The following RARB variants were observed in gnomAD, a reference collection of about 807,000 sequenced individuals.
The protein encoded by RARB is retinoic acid receptor beta, also known as HBV-activated protein.
RARB carries 17 observed loss-of-function variants against 51.9 expected under a neutral mutation model. The ratio of observed to expected loss-of-function variants is 0.33; its 90% CI spans 0.22 to 0.49. RARB has a LOEUF of 0.49. Among genes scored for constraint, RARB ranks in the 20% least tolerant of loss-of-function variants. RARB has a pLI of 0.99. For missense variants in RARB, 369 were observed against 550.8 expected, an observed-to-expected ratio of 0.67 and a Z score of 3.30; for synonymous variants, 215 against 195.4, an observed-to-expected ratio of 1.10 and a Z score of -0.84.
chr3:25,064,518 C>T (rs937576535), intron 3 of RARB, among the ~76,000 whole-genome samples: 6 of 151,898 alleles, frequency 4.0e-5, no homozygotes, highest in African/African-American at 1.2e-4. Flanking sequence ...ATAGAATTAC[C>T]GAGAGACAGT....
At chr3:25,202,566 G>A (rs892267961) in intron 5 of RARB, among the ~76,000 whole-genome samples, 28 of 152,224 alleles carry the variant, frequency 1.8e-4, no homozygotes, top group African/African-American at 6.7e-4. Flanking sequence ...TGTCTTGCGG[G>A]CATTTAGTGC....
intron 4 of RARB, among the ~76,000 whole-genome samples, chr3:25,578,449 G>A (rs1394677809): frequency 2.6e-5 from 4 of 152,196 alleles, no homozygotes; most frequent in African/African-American, 7.2e-5. Context: ...TGAAGGTTTC[G>A]TTCACACTTG....
intron 5 of RARB, among the ~76,000 whole-genome samples, chr3:25,416,590 C>T (rs2125503883): frequency 6.6e-6 from 1 of 152,288 alleles, no homozygotes; most frequent in East Asian, 1.9e-4. Flanking sequence ...ATATTTTCAG[C>T]TTTGTGGGCC....
intron 3 of RARB, among the ~76,000 whole-genome samples, chr3:25,108,366 A>G (rs1699545117): frequency 6.6e-6 from 1 of 152,218 alleles, no homozygotes; most frequent in African/African-American, 2.4e-5. Flanking sequence ...GGTTGAGGTC[A>G]CCAGGTAGTT....
intron 1 of RARB, among the ~76,000 whole-genome samples, chr3:25,448,765 C>T (rs1172830797): frequency 6.6e-6 from 1 of 152,172 alleles, no homozygotes. Flanking sequence ...CCGTGCCCGG[C>T]CGAGAATCTT....
intron 2 of RARB, among the ~76,000 whole-genome samples, chr3:25,044,589 G>A (rs62228514): frequency 0.24 from 37,186 of 152,090 alleles, 4,666 homozygotes; most frequent in African/African-American, 0.29. Flanking sequence ...GTACATGGCC[G>A]GCACATGCCT....
chr3:25,269,255 T>A (rs116422977), intron 5 of RARB, among the ~76,000 whole-genome samples: 2 of 152,296 alleles, frequency 1.3e-5, no homozygotes, highest in Non-Finnish European at 2.9e-5. Context: ...AGTCCATGAA[T>A]CTCCTTAAGT....
intron 2 of RARB, among the ~76,000 whole-genome samples, chr3:24,873,360 GTTC>G (rs1702981914): frequency 6.6e-6 from 1 of 152,004 alleles, no homozygotes; most frequent in South Asian, 2.1e-4. Context: ...AGGAATTTCA[GTTC>G]TTCTTGAGTC....
chr3:25,576,395 C>A (rs1469326975), intron 4 of RARB, among the ~76,000 whole-genome samples: 1 of 152,212 alleles, frequency 6.6e-6, no homozygotes, highest in Non-Finnish European at 1.5e-5. Flanking sequence ...CCCCTTCCAG[C>A]AGCTGGGACC....
At chr3:25,458,283 G>T (rs769489429) in intron 1 of RARB, 2 of 152,150 alleles carry the variant, frequency 1.3e-5, no homozygotes, top group Non-Finnish European at 2.9e-5. Flanking sequence ...AAAGTCCTCA[G>T]CAGTGTCAGT....
At position 25,517,310 on chromosome 3, in the gene RARB, G is replaced by C. The variant is rs1435701; in HGVS notation, c.448+15987G>C. Among the ~76,000 whole-genome samples the C allele has an allele frequency of 4.7e-4, 72 of 152,232 alleles. 1 individual carries two copies. The South Asian group carries it at 0.014, about 30-fold the overall frequency. The stretch of plus-strand genomic sequence containing the variant: ...CAACTCAACAGTAAAAAGATAAATA[G>C]CTCAATTTTAAAATGGGCAATGGAT... On this transcript the variant is annotated intron_variant, in intron 3 of 7. Transcript: ENST00000330688.
chr3:25,095,741 AAAAAGC>A (rs1229609256), intron 3 of RARB, among the ~76,000 whole-genome samples: 1 of 152,178 alleles, frequency 6.6e-6, no homozygotes, highest in Non-Finnish European at 1.5e-5. Context: ...ATCAAAAGAA[AAAAAGC>A]AAAAGGAAAA....
intron 1 of RARB, chr3:24,833,096 T>C (rs1293764287): frequency 1.3e-5 from 2 of 152,330 alleles, no homozygotes; most frequent in Non-Finnish European, 2.9e-5. Flanking sequence ...CAGTGTGGCT[T>C]CTGCCTCCAC....
In RARB at chr3:25,342,141, A is replaced by G. The variant is rs1705247224; in HGVS notation, c.179-119052A>G. 2.0e-5 allele frequency among the ~76,000 whole-genome samples: 3 copies of G among 152,216 alleles called. No homozygotes were observed. In the South Asian group the frequency reaches 6.2e-4, roughly 32 times the overall value. On this transcript the variant is annotated intron_variant, in intron 5 of 11. Coordinates refer to the RARB transcript ENST00000383772. ...GGAAAAATAAGAAAAAGAGATACTC[A>G]AGTTGTTAAGCAGACTGCAGTTTCA... is the stretch of plus-strand genomic sequence containing the variant.
At chr3:25,221,590 TC>T (rs1701949416) in intron 5 of RARB, among the ~76,000 whole-genome samples, 1 of 152,156 alleles carries the variant, frequency 6.6e-6, no homozygotes, top group Admixed American at 6.5e-5. Context: ...ATAAGTCTAA[TC>T]CCCCTAAAAG....
At chr3:25,150,773 T>C (rs530531556) in intron 4 of RARB, among the ~76,000 whole-genome samples, 2 of 152,166 alleles carry the variant, frequency 1.3e-5, no homozygotes, top group Non-Finnish European at 1.5e-5. Flanking sequence ...GCAAAAATAA[T>C]CAGAAACAAA....
intron 5 of RARB, among the ~76,000 whole-genome samples, chr3:25,581,794 A>G (rs1701188699): frequency 6.6e-6 from 1 of 152,158 alleles, no homozygotes; most frequent in African/African-American, 2.4e-5. Context: ...TTGTGAGGAT[A>G]TAGCAGGAAG....
chr3:25,429,321 C>T (rs1057449285), intron 1 of RARB, among the ~76,000 whole-genome samples: 3 of 152,094 alleles, frequency 2.0e-5, no homozygotes, highest in Non-Finnish European at 4.4e-5. Flanking sequence ...GTCCCCCCAC[C>T]CCTTGTGTAT....
chr3:25,244,887 C>T (rs1702520159), intron 5 of RARB, among the ~76,000 whole-genome samples: 1 of 151,106 alleles, frequency 6.6e-6, no homozygotes, highest in East Asian at 2.0e-4. Flanking sequence ...CTGTCTCAAT[C>T]TAATATTGAC....
Sources: allele counts gnomAD v4.1 joint callset (sites outside exome capture counted in the v4.1 genomes callset), GRCh38; gene constraint gnomAD v4.1.1; transcripts MANE v1.5; gene names NCBI Gene and HGNC (gene_info 2026-07-23, HGNC 2026-07-21).